Variants in CACNA1C observed in about 807,000 individuals in gnomAD.
CACNA1C encodes voltage-dependent L-type calcium channel subunit alpha-1C.
A neutral mutation model predicts 229.0 loss-of-function variants in CACNA1C; 30 were observed. That is an observed-to-expected ratio of 0.13 (90% CI 0.10 to 0.18). CACNA1C has a LOEUF of 0.18. Among genes scored for constraint, CACNA1C ranks in the 10% least tolerant of loss-of-function variants. The pLI is 1.00. For synonymous variants in CACNA1C, 1,114 were observed against 1,132.5 expected (o/e 0.98, Z 0.33); for missense variants, 1,658 against 2,845.0 (o/e 0.58, Z 9.49).
intron 3 of CACNA1C, among the ~76,000 whole-genome samples, chr12:2,187,062 G>A (rs571439009): frequency 6.6e-6 from 1 of 151,066 alleles, no homozygotes; most frequent in African/African-American, 2.5e-5. Context: ...CTTGTTGCCA[G>A]CAGAGTCAAA....
At chr12:2,087,013 T>C (rs1162713944) in intron 1 of CACNA1C, among the ~76,000 whole-genome samples, 1 of 152,192 alleles carries the variant, frequency 6.6e-6, no homozygotes, top group Admixed American at 6.5e-5. Context: ...AGAGCTCTTC[T>C]TAGTCAGGGC....
chr12:2,193,821 C>T (rs187695608), intron 3 of CACNA1C, among the ~76,000 whole-genome samples: 1 of 152,350 alleles, frequency 6.6e-6, no homozygotes, highest in East Asian at 1.9e-4. Context: ...TTATTTTCTA[C>T]CTGCTGCTCT....
intron 3 of CACNA1C, among the ~76,000 whole-genome samples, chr12:2,230,572 G>A (rs906626285): frequency 2.0e-5 from 3 of 152,190 alleles, no homozygotes; most frequent in Non-Finnish European, 2.9e-5. Flanking sequence ...GACCCTCGAC[G>A]GCCTCAGTAG....
chr12:2,278,763 T>A (rs929945965), intron 3 of CACNA1C, among the ~76,000 whole-genome samples: 3 of 152,240 alleles, frequency 2.0e-5, no homozygotes, highest in Non-Finnish European at 4.4e-5. Context: ...GTGGAATGGT[T>A]ACATCATGTG....
At chr12:2,527,299 T>G (rs2099820059) in intron 9 of CACNA1C, among the ~76,000 whole-genome samples, 1 of 152,206 alleles carries the variant, frequency 6.6e-6, no homozygotes, top group Non-Finnish European at 1.5e-5. Flanking sequence ...TGTTAAAGAA[T>G]GATTACAACT....
intron 3 of CACNA1C, among the ~76,000 whole-genome samples, chr12:2,330,112 G>GA (rs1400245070): frequency 4.6e-5 from 7 of 152,246 alleles, no homozygotes; most frequent in Non-Finnish European, 7.3e-5. Flanking sequence ...CATATGCTGA[G>GA]AGAAGGGTGG....
chr12:2,459,905 C>T (rs915576377), intron 5 of CACNA1C, among the ~76,000 whole-genome samples: 1 of 152,228 alleles, frequency 6.6e-6, no homozygotes, highest in African/African-American at 2.4e-5. Context: ...TCATAAAGAA[C>T]AAGCATGGTC....
chr12:2,476,437 A>G (rs1283999251), intron 5 of CACNA1C, among the ~76,000 whole-genome samples: 1 of 152,222 alleles, frequency 6.6e-6, no homozygotes, highest in Non-Finnish European at 1.5e-5. Context: ...TTTTATCTGT[A>G]TTAAGACGGC....
intron 1 of CACNA1C, among the ~76,000 whole-genome samples, chr12:1,986,035 G>A (rs552847695): frequency 3.0e-4 from 46 of 152,222 alleles, no homozygotes; most frequent in Middle Eastern, 3.4e-3. Flanking sequence ...GGATGGTCTC[G>A]ATCTCCTGAC....
At chr12:2,460,682 A>G (rs1310432000) in intron 5 of CACNA1C, among the ~76,000 whole-genome samples, 1 of 152,210 alleles carries the variant, frequency 6.6e-6, no homozygotes, top group Non-Finnish European at 1.5e-5. Context: ...CAAGGCCCTC[A>G]TGTTACCTGC....
intron 9 of CACNA1C, among the ~76,000 whole-genome samples, chr12:2,521,989 T>C (rs1402851324): frequency 6.6e-6 from 1 of 152,232 alleles, no homozygotes. Flanking sequence ...CCTACTGCCC[T>C]GCCGCAAAGC....
In CACNA1C at chr12:2,677,792, T is replaced by C. The variant is rs778856101; in HGVS notation, c.5016T>C (p.Asp1672=). The part of the protein sequence containing the change: ...GPEIRRAISG[D]LTAEEELDKA... ...AGATCCGACGGGCCATCTCTGGAGA[T>C]CTCACCGCTGAGGAGGAGCTGGACA... Residue 1672 remains aspartate (D), a synonymous_variant, in exon 41 of 47, where the codon GAT becomes GAC. Transcript: ENST00000399655. This position sits in a 1 kb window ranked among gnomAD's most constrained non-coding sequence, Gnocchi z 7.4. 6.2e-7 allele frequency: 1 copy of C among 1,613,944 alleles called. No homozygotes were observed. The highest frequency in any genetic ancestry group is 8.5e-7 in the Non-Finnish European group (1 of 1,179,868).
At chr12:2,664,720 C>T in intron 34 of CACNA1C, 105 bp from the exon 35 acceptor site, 1 of 872,754 alleles carries the variant, frequency 1.1e-6, no homozygotes, top group Non-Finnish European at 1.7e-6. Flanking sequence ...ATTTTAGTAA[C>T]TCCCTCTGGG....
chr12:2,119,314 T>G (rs955399972), intron 2 of CACNA1C, among the ~76,000 whole-genome samples: 1 of 152,222 alleles, frequency 6.6e-6, no homozygotes, highest in African/African-American at 2.4e-5. Flanking sequence ...CTCCTCCTCC[T>G]GTGAGACTCC....
At chr12:2,167,127 C>G (rs1210232204) in intron 3 of CACNA1C, among the ~76,000 whole-genome samples, 4 of 152,148 alleles carry the variant, frequency 2.6e-5, no homozygotes, top group Non-Finnish European at 5.9e-5. Flanking sequence ...AAAAATGAAC[C>G]ACTCCCTACT....
rs530069758 is a variant in CACNA1C, at chr12:2,238,101, A to G, written c.477+117671A>G. ...CTCTTTGTTCTAGCCTTCGTCGTCAAAACAGACAGAATCAGGTTTGGGAGC... is the reference window on the plus strand; with the variant it reads ...CTCTTTGTTCTAGCCTTCGTCGTCAGAACAGACAGAATCAGGTTTGGGAGC... On this transcript the variant is annotated intron_variant, in intron 3 of 46. Transcript: ENST00000399655. 3.3e-5 allele frequency among the ~76,000 whole-genome samples: 5 copies of G among 152,358 alleles called. No individual in the cohort carries two copies. The South Asian group carries it at 1.0e-3, about 32-fold the overall frequency.
chr12:2,520,708 A>C (rs34946140), intron 9 of CACNA1C, among the ~76,000 whole-genome samples: 137 of 116,742 alleles, frequency 1.2e-3, no homozygotes, highest in African/African-American at 4.0e-3. Context: ...CTTCTCATTG[A>C]CCAATGGCCG....
chr12:1,990,849 G>C (rs1185428541), intron 1 of CACNA1C, among the ~76,000 whole-genome samples: 3 of 152,082 alleles, frequency 2.0e-5, no homozygotes, highest in Non-Finnish European at 4.4e-5. Context: ...CGTTTAAGAG[G>C]TATCTGACAC....
In CACNA1C at chr12:2,651,234, G is replaced by A. The variant is rs773269731; in HGVS notation, c.3946-406G>A. On this transcript the variant is annotated intron_variant, in intron 31 of 46. Coordinates refer to ENST00000399655, the MANE Select transcript of CACNA1C (RefSeq NM_000719.7). The surrounding 1 kb of genome is among the most constrained non-coding windows in gnomAD (Gnocchi z 5.4). ...CACAGGACTGTCTGCCCAGACAAAC[G>A]GGAGACAGGCTAGGACTGCTTCCTC... 16 of 213,152 alleles carry A rather than the reference G, an allele frequency of 7.5e-5. No homozygotes were observed. Among genetic ancestry groups the A allele is most frequent in the African/African-American group, 1.4e-4 (6 of 44,040 alleles). The allele number at this position is 213,152 out of a possible 1,614,324, so 13.2% of individuals were successfully genotyped here.
Sources: allele counts gnomAD v4.1 joint callset (sites outside exome capture counted in the v4.1 genomes callset), GRCh38; gene constraint gnomAD v4.1.1; non-coding constraint Gnocchi (gnomAD v3.1); transcripts MANE v1.5; gene names NCBI Gene and HGNC (gene_info 2026-07-23, HGNC 2026-07-21).